MCTP1: variants seen among roughly 807,000 people sequenced by gnomAD.
MCTP1 encodes the protein multiple C2 and transmembrane domain containing 1, also known as multiple C2 and transmembrane domain-containing protein 1.
A neutral mutation model predicts 120.6 loss-of-function variants in MCTP1; 69 were observed. That is an observed-to-expected ratio of 0.57 (90% CI 0.47 to 0.70). The LOEUF is 0.70. Ranked by LOEUF, MCTP1 falls within the 30% of genes least tolerant of loss-of-function variation. MCTP1 has a pLI of 0.00. For missense variants in MCTP1, 1,203 were observed against 1,248.8 expected (o/e 0.96, Z 0.55); for synonymous variants, 529 against 493.1 (o/e 1.07, Z -0.96).
intron 19 of MCTP1, among the ~76,000 whole-genome samples, chr5:94,719,321 A>G (rs1760304456): frequency 6.6e-6 from 1 of 152,226 alleles, no homozygotes; most frequent in Non-Finnish European, 1.5e-5. Flanking sequence ...ATATACCCAA[A>G]GGAATATAAA....
At chr5:94,723,206 G>A (rs1405238338) in intron 19 of MCTP1, among the ~76,000 whole-genome samples, 3 of 152,062 alleles carry the variant, frequency 2.0e-5, no homozygotes, top group Non-Finnish European at 4.4e-5. Context: ...AGTTTACTTG[G>A]TGCCTTGCCT....
At chr5:94,927,903 G>A (rs190844605) in intron 6 of MCTP1, among the ~76,000 whole-genome samples, 29 of 151,952 alleles carry the variant, frequency 1.9e-4, no homozygotes, top group African/African-American at 6.8e-4. Context: ...TTAAAATTAT[G>A]CTAAGTGGTT....
At chr5:94,770,854 G>A (rs1158083331) in intron 19 of MCTP1, among the ~76,000 whole-genome samples, 1 of 152,086 alleles carries the variant, frequency 6.6e-6, no homozygotes, top group Non-Finnish European at 1.5e-5. Flanking sequence ...AAGGATTTTG[G>A]AGAACCCCAG....
chr5:94,977,973 T>G (rs1463792653), intron 2 of MCTP1, among the ~76,000 whole-genome samples: 1 of 152,018 alleles, frequency 6.6e-6, no homozygotes. Context: ...AAATCATATA[T>G]CAGATAAGGG....
intron 21 of MCTP1, chr5:94,709,600 A>G (rs1334895876): frequency 6.6e-6 from 1 of 152,134 alleles, no homozygotes; most frequent in Non-Finnish European, 1.5e-5. Flanking sequence ...AATTTTTTCT[A>G]TAAAGCAGCA....
rs1754401375 is a variant in MCTP1, at chr5:94,705,740, C to T, written c.*1756G>A. On this transcript the variant is annotated 3_prime_UTR_variant, in exon 23 of 23. Coordinates refer to ENST00000515393, the MANE Select transcript of MCTP1 (RefSeq NM_024717.7). ...CATTGTCAGCACAGAACATAAAAGT[C>T]TCACATAAGGTATAATTGAAAGTTA... 6.6e-6 allele frequency: 1 copy of T among 151,492 alleles called. No individual in the cohort carries two copies. Among genetic ancestry groups the T allele is most frequent in the Non-Finnish European group, 1.5e-5 (1 of 67,716 alleles). The allele number at this position is 151,492 out of a possible 1,614,324, so 9.4% of individuals were successfully genotyped here.
chr5:94,955,569 A>T (rs1312184798), intron 2 of MCTP1, among the ~76,000 whole-genome samples: 1 of 152,098 alleles, frequency 6.6e-6, no homozygotes. Flanking sequence ...GGGAGGCTTG[A>T]GCTTGGTAGG....
intron 20 of MCTP1, among the ~76,000 whole-genome samples, chr5:94,713,796 T>TA (rs1416969649): frequency 6.6e-6 from 1 of 152,108 alleles, no homozygotes; most frequent in Non-Finnish European, 1.5e-5. Context: ...TAAAATGCAT[T>TA]ATCCCTTACA....
intron 1 of MCTP1, among the ~76,000 whole-genome samples, chr5:95,233,126 A>G (rs183771803): frequency 6.2e-4 from 95 of 152,332 alleles, no homozygotes; most frequent in African/African-American, 2.2e-3. Flanking sequence ...GTTGAACATT[A>G]TATCCAACAC....
At chr5:94,921,266 A>G (rs1478102399) in intron 7 of MCTP1, among the ~76,000 whole-genome samples, 1 of 152,222 alleles carries the variant, frequency 6.6e-6, no homozygotes, top group African/African-American at 2.4e-5. Flanking sequence ...ATCCTAAGAT[A>G]GTGTTTTGAT....
intron 3 of MCTP1, among the ~76,000 whole-genome samples, chr5:94,945,175 T>C (rs1818628401): frequency 6.6e-6 from 1 of 152,116 alleles, no homozygotes; most frequent in Non-Finnish European, 1.5e-5. Context: ...ACATGAATGA[T>C]TTAGATGAGA....
chr5:95,160,283 C>G (rs1447855121), intron 1 of MCTP1, among the ~76,000 whole-genome samples: 2 of 152,080 alleles, frequency 1.3e-5, no homozygotes, highest in Non-Finnish European at 2.9e-5. Context: ...AAGAAAAGCG[C>G]AGATAAAATA....
At chr5:94,934,113 A>T (rs1416930132) in intron 5 of MCTP1, among the ~76,000 whole-genome samples, 1 of 151,846 alleles carries the variant, frequency 6.6e-6, no homozygotes, top group Non-Finnish European at 1.5e-5. Context: ...GGGTTTAAGT[A>T]TCTCACTTCC....
chr5:94,710,764 A>T (rs1756644175), intron 21 of MCTP1, 54 bp downstream of exon 21: 4 of 1,125,928 alleles, frequency 3.6e-6, no homozygotes, highest in Non-Finnish European at 5.3e-6. Context: ...TCTTAAACAT[A>T]GTTTGTTCTT....
intron 2 of MCTP1, among the ~76,000 whole-genome samples, chr5:94,959,372 GC>G (rs1238294807): frequency 6.6e-6 from 1 of 152,128 alleles, no homozygotes; most frequent in African/African-American, 2.4e-5. Context: ...AGACAAGGAT[GC>G]CCTCTCTCAC....
rs986763502 is a variant in MCTP1, at chr5:94,703,918, T to C, written c.*3578A>G. ...AGCCATTCAGCTGAAGTAAATCTTA[T>C]GTGACTGCCTCTATTCAAATTGCCA... On this transcript the variant is annotated 3_prime_UTR_variant, in exon 23 of 23. Transcript: ENST00000515393. 4 of 151,408 alleles carry C rather than the reference T, an allele frequency of 2.6e-5. No individual in the cohort carries two copies. Among genetic ancestry groups the C allele is most frequent in the South Asian group, 2.1e-4 (1 of 4,822 alleles). The allele number at this position is 151,408 out of a possible 1,614,324, so 9.4% of individuals were successfully genotyped here. A position where few individuals can be genotyped will look rare whatever the true frequency, so the allele number is the denominator to read the frequency against.
chr5:94,963,650 G>T (rs761936763), intron 2 of MCTP1, among the ~76,000 whole-genome samples: 10 of 151,694 alleles, frequency 6.6e-5, no homozygotes, highest in Non-Finnish European at 1.5e-4. Context: ...TTTTGTTTTG[G>T]TAATCGAGTT....
chr5:94,847,232 A>T (rs1438311399), intron 17 of MCTP1, among the ~76,000 whole-genome samples: 1 of 152,142 alleles, frequency 6.6e-6, no homozygotes, highest in Non-Finnish European at 1.5e-5. Context: ...TGTTCTAAGA[A>T]CTTATTCAGA....
At chr5:94,782,923 C>T (rs567922620) in intron 18 of MCTP1, among the ~76,000 whole-genome samples, 6 of 152,132 alleles carry the variant, frequency 3.9e-5, no homozygotes, top group East Asian at 3.9e-4. Context: ...TATCACAGAT[C>T]GGCTCTAGAA....
Sources: allele counts gnomAD v4.1 joint callset (sites outside exome capture counted in the v4.1 genomes callset), GRCh38; gene constraint gnomAD v4.1.1; transcripts MANE v1.5; gene names NCBI Gene and HGNC (gene_info 2026-07-23, HGNC 2026-07-21).